The following CBFA2T2 variants were observed in gnomAD, a reference collection of about 807,000 sequenced individuals.
The protein encoded by CBFA2T2 is CBFA2/RUNX1 partner transcriptional co-repressor 2.
Under a neutral mutation model 62.2 loss-of-function variants are expected in CBFA2T2, and 11 were observed. The ratio of observed to expected loss-of-function variants is 0.18; its 90% confidence interval spans 0.11 to 0.29. The LOEUF (loss-of-function observed/expected upper bound fraction) is 0.29. Among genes scored for constraint, CBFA2T2 ranks in the 10% least tolerant of loss-of-function variants. The probability of loss-of-function intolerance (pLI) is 1.00; values close to 1 mark genes in which losing one functional copy is unlikely to be tolerated. For missense variants in CBFA2T2, 592 were observed against 774.1 expected, an observed-to-expected ratio of 0.76 and a Z score of 2.79; for synonymous variants, 295 against 287.5, an observed-to-expected ratio of 1.03 and a Z score of -0.27.
At chr20:33,548,599 T>G (rs956881642) in intron 1 of CBFA2T2, among the ~76,000 whole-genome samples, 1 of 152,158 alleles carries the variant, frequency 6.6e-6, no homozygotes, top group African/African-American at 2.4e-5. Flanking sequence ...GGTTCAGCAA[T>G]AAGTATAGTT....
At chr20:33,568,478 AC>A (rs2013427946) in intron 1 of CBFA2T2, among the ~76,000 whole-genome samples, 3 of 152,000 alleles carry the variant, frequency 2.0e-5, no homozygotes, top group African/African-American at 7.3e-5. Flanking sequence ...ACATTTAGGG[AC>A]CTTGCACCAC....
chr20:33,545,998 G>A (rs2012555247), intron 1 of CBFA2T2, among the ~76,000 whole-genome samples: 1 of 152,224 alleles, frequency 6.6e-6, no homozygotes, highest in Non-Finnish European at 1.5e-5. Flanking sequence ...GTAGTAGGAT[G>A]TTTTGTTAAA....
chr20:33,497,212 A>G lies in CBFA2T2; in HGVS notation c.34+6911A>G, dbSNP rs2011209041. 2.3e-5 allele frequency among the ~76,000 whole-genome samples: 3 copies of G among 132,970 alleles called. No individual in the cohort carries two copies. In the Admixed American group the frequency reaches 2.6e-4, roughly 12 times the overall value. 87.2% of individuals were successfully genotyped at this position (132,970 alleles called of 152,430 possible). On this transcript the variant is annotated intron_variant, in intron 1 of 10. Transcript: ENST00000342704. ...TGCTTGAACCCGGGAGGCGGAGGTT[A>G]TGGTGAGCAGAGATCACGCCATTGC...
intron 1 of CBFA2T2, among the ~76,000 whole-genome samples, chr20:33,579,122 T>G (rs932431388): frequency 5.3e-5 from 8 of 151,216 alleles, no homozygotes; most frequent in East Asian, 1.9e-4. Flanking sequence ...TTTGTTTTTT[T>G]TTTTTTTTAA....
At chr20:33,521,733 C>A (rs6059364) in intron 1 of CBFA2T2, among the ~76,000 whole-genome samples, 134,853 of 152,066 alleles carry the variant, frequency 0.89, 61,482 homozygotes, top group Non-Finnish European at 1. Context: ...TCATATATAC[C>A]TAAGCATAGC....
intron 1 of CBFA2T2, chr20:33,574,074 C>A (rs975793810): frequency 2.9e-5 from 43 of 1,477,844 alleles, no homozygotes; most frequent in Admixed American, 3.9e-5. Flanking sequence ...CAGGCAAGAG[C>A]CACCATACCA....
chr20:33,535,612 T>TTA (rs1568805381), intron 1 of CBFA2T2, among the ~76,000 whole-genome samples: 8 of 146,516 alleles, frequency 5.5e-5, no homozygotes, highest in African/African-American at 1.8e-4. Flanking sequence ...ATTTTTATTT[T>TTA]TTTATTTTTT....
chr20:33,641,027 A>G (rs1193434457), intron 10 of CBFA2T2, among the ~76,000 whole-genome samples: 1 of 151,766 alleles, frequency 6.6e-6, no homozygotes, highest in Non-Finnish European at 1.5e-5. Flanking sequence ...GCAGGGTCCT[A>G]TAGCACCTAG....
At chr20:33,643,976 C>A (rs1296091470) in intron 10 of CBFA2T2, among the ~76,000 whole-genome samples, 1 of 150,350 alleles carries the variant, frequency 6.7e-6, no homozygotes, top group Non-Finnish European at 1.5e-5. Context: ...GGGGGAGACC[C>A]TGGCACAGAG....
chr20:33,612,564 A>G (rs866720594), intron 3 of CBFA2T2, among the ~76,000 whole-genome samples: 1 of 151,890 alleles, frequency 6.6e-6, no homozygotes, highest in African/African-American at 2.4e-5. Context: ...ACTTTCTATT[A>G]TGCTAGATAT....
chr20:33,595,684 G>A (rs117414769), intron 1 of CBFA2T2, among the ~76,000 whole-genome samples: 23 of 151,980 alleles, frequency 1.5e-4, no homozygotes, highest in Non-Finnish European at 3.1e-4. Context: ...GACTATAGGT[G>A]TACGCCACCA....
chr20:33,599,665 C>T (rs1215294416), intron 1 of CBFA2T2, among the ~76,000 whole-genome samples: 6 of 151,724 alleles, frequency 4.0e-5, no homozygotes, highest in East Asian at 1.9e-4. Context: ...CTTGGCTCAC[C>T]GCAACCTCCA....
At chr20:33,545,678 G>C (rs13045068) in intron 1 of CBFA2T2, among the ~76,000 whole-genome samples, 44,589 of 151,766 alleles carry the variant, frequency 0.29, 6,657 homozygotes, top group East Asian at 0.35. Flanking sequence ...AACTCCTGAC[G>C]TCAGGTTATC....
intron 1 of CBFA2T2, among the ~76,000 whole-genome samples, chr20:33,568,884 A>G (rs1036456243): frequency 6.6e-6 from 1 of 152,210 alleles, no homozygotes; most frequent in South Asian, 2.1e-4. Flanking sequence ...AGTAGGCTGT[A>G]TAGCTCAGTT....
At chr20:33,549,570 AT>A (rs1287776735) in intron 1 of CBFA2T2, among the ~76,000 whole-genome samples, 55 of 152,284 alleles carry the variant, frequency 3.6e-4, no homozygotes, top group African/African-American at 1.2e-3. Context: ...TGAAAGCAAG[AT>A]TAGTAGTGGT....
chr20:33,642,115 TTTGTGTGTGTGTGTGTG>T (rs1230133782), intron 10 of CBFA2T2, among the ~76,000 whole-genome samples: 1 of 36,586 alleles, frequency 2.7e-5, no homozygotes, highest in African/African-American at 1.4e-4. Context: ...CTTTTTTTTT[TTTGTGTGTGTGTGTGTG>T]TGTGTGTGTG....
chr20:33,630,051 A>G (rs1233176389), intron 8 of CBFA2T2, 137 bp downstream of exon 8: 3 of 772,988 alleles, frequency 3.9e-6, no homozygotes, highest in Non-Finnish European at 5.9e-6. Context: ...TCAGGTGATT[A>G]TGAAAAGTAA....
At chr20:33,495,096 C>T (rs1353268675) in intron 1 of CBFA2T2, among the ~76,000 whole-genome samples, 2 of 151,978 alleles carry the variant, frequency 1.3e-5, no homozygotes, top group South Asian at 4.2e-4. Flanking sequence ...CTAGTTTATT[C>T]GGTAGAAGTA....
chr20:33,534,165 G>A (rs2146871912), intron 1 of CBFA2T2, among the ~76,000 whole-genome samples: 1 of 152,314 alleles, frequency 6.6e-6, no homozygotes, highest in South Asian at 2.1e-4. Context: ...TAGGAATGGT[G>A]TGGTTGCATC....
Sources: gnomAD v4.1 joint callset for allele counts (sites outside exome capture counted in the v4.1 genomes callset) on GRCh38, gnomAD v4.1.1 for gene constraint, MANE v1.5 for transcripts, NCBI Gene and HGNC (gene_info 2026-07-23, HGNC 2026-07-21) for gene names.